The following EYA4 variants were observed in gnomAD, a reference collection of about 807,000 sequenced individuals.
EYA4 encodes EYA transcriptional coactivator and phosphatase 4.
EYA4 carries 31 observed loss-of-function variants against 87.9 expected under a neutral mutation model. The ratio of observed to expected loss-of-function variants is 0.35; its 90% CI spans 0.27 to 0.48. The LOEUF is 0.48. EYA4 is among the 20% of genes least tolerant of loss of function. EYA4 has a pLI of 0.99. For missense variants in EYA4, 678 were observed against 761.4 expected, an observed-to-expected ratio of 0.89 and a Z score of 1.29; for synonymous variants, 263 against 270.6, an observed-to-expected ratio of 0.97 and a Z score of 0.28.
At chr6:133,370,481 A>C (rs1051586788) in intron 2 of EYA4, among the ~76,000 whole-genome samples, 2 of 152,230 alleles carry the variant, frequency 1.3e-5, no homozygotes, top group African/African-American at 4.8e-5. Flanking sequence ...AAGCCAATCA[A>C]TTAGAGAAAA....
At position 133,324,956 on chromosome 6, in the gene EYA4, A is replaced by G. The variant is rs191225853; in HGVS notation, c.33+50143A>G. The stretch of plus-strand genomic sequence containing the variant: ...GACAGAGTCTCGCCCTGTCCCCCAG[A>G]CTGGAGTGCAGTGGCACAATCTCGG... On this transcript the variant is annotated intron_variant, in intron 2 of 19. Transcript: ENST00000355286. Among the ~76,000 whole-genome samples, 76 of 131,320 alleles carry G rather than the reference A, an allele frequency of 5.8e-4. No individual in the cohort carries two copies. In the Middle Eastern group the frequency reaches 0.014, roughly 24 times the overall value. 86.2% of individuals were successfully genotyped at this position (131,320 alleles called of 152,430 possible).
intron 1 of EYA4, among the ~76,000 whole-genome samples, chr6:133,249,162 C>G (rs983459384): frequency 6.6e-6 from 1 of 152,050 alleles, no homozygotes; most frequent in Non-Finnish European, 1.5e-5. Context: ...GACTTTGGAG[C>G]TTTTATTGTA....
intron 1 of EYA4, among the ~76,000 whole-genome samples, chr6:133,253,964 C>T (rs1379932515): frequency 6.6e-6 from 1 of 152,140 alleles, no homozygotes; most frequent in African/African-American, 2.4e-5. Flanking sequence ...GGCATTAGGT[C>T]CCAAACCAGA....
intron 1 of EYA4, among the ~76,000 whole-genome samples, chr6:133,243,089 C>CGTGCGTGTGT (rs535891765): frequency 1.4e-5 from 2 of 145,372 alleles, no homozygotes; most frequent in Non-Finnish European, 3.0e-5. Flanking sequence ...GGAGCAACTT[C>CGTGCGTGTGT]GTGTGTGTGT....
intron 2 of EYA4, among the ~76,000 whole-genome samples, chr6:133,297,435 G>C (rs868370530): frequency 6.6e-6 from 1 of 152,214 alleles, no homozygotes; most frequent in African/African-American, 2.4e-5. Flanking sequence ...CTGAGCCAAG[G>C]TCAAAACAGG....
intron 3 of EYA4, among the ~76,000 whole-genome samples, chr6:133,390,855 TGGGGGTTA>T: frequency 6.6e-6 from 1 of 152,262 alleles, no homozygotes; most frequent in Middle Eastern, 3.4e-3. Context: ...GTTTGAGCAC[TGGGGGTTA>T]GTGTGGTTAG....
intron 2 of EYA4, among the ~76,000 whole-genome samples, chr6:133,293,499 A>G (rs373797603): frequency 1.2e-4 from 18 of 152,194 alleles, no homozygotes; most frequent in African/African-American, 3.1e-4. Context: ...GTATTTTAGG[A>G]GGGACATTAT....
chr6:133,262,485 CAT>C (rs1775877295), intron 1 of EYA4, among the ~76,000 whole-genome samples: 1 of 152,222 alleles, frequency 6.6e-6, no homozygotes, highest in Non-Finnish European at 1.5e-5. Flanking sequence ...AATTCTTTCA[CAT>C]GTCTCCCTGG....
intron 11 of EYA4, among the ~76,000 whole-genome samples, chr6:133,481,138 T>C (rs1313621345): frequency 6.6e-6 from 1 of 152,126 alleles, no homozygotes; most frequent in Non-Finnish European, 1.5e-5. Context: ...AGAAGACATC[T>C]CATTCTCTGA....
chr6:133,432,903 T>C (rs1791316283), intron 3 of EYA4, among the ~76,000 whole-genome samples: 1 of 152,160 alleles, frequency 6.6e-6, no homozygotes, highest in African/African-American at 2.4e-5. Flanking sequence ...CTCAGTGTTA[T>C]TTAGTTATTA....
chr6:133,481,327 C>A, intron 11 of EYA4, 136 bp from the exon 12 acceptor site: 1 of 822,048 alleles, frequency 1.2e-6, no homozygotes, highest in Non-Finnish European at 2.0e-6. Flanking sequence ...CTTGTGTGTG[C>A]TTGGGATTAT....
chr6:133,407,433 G>A (rs1788810397), intron 3 of EYA4, among the ~76,000 whole-genome samples: 1 of 151,966 alleles, frequency 6.6e-6, no homozygotes, highest in Non-Finnish European at 1.5e-5. Flanking sequence ...CCAGGGCTTT[G>A]GCTGTTACTC....
intron 2 of EYA4, among the ~76,000 whole-genome samples, chr6:133,357,080 G>A (rs1784111920): frequency 6.6e-6 from 1 of 151,710 alleles, no homozygotes; most frequent in Non-Finnish European, 1.5e-5. Flanking sequence ...GACCATCCTG[G>A]CTAAAACAGT....
At chr6:133,277,000 GTATAT>G in intron 2 of EYA4, among the ~76,000 whole-genome samples, 1 of 151,894 alleles carries the variant, frequency 6.6e-6, no homozygotes, top group East Asian at 1.9e-4. Context: ...ATTTTGTGGA[GTATAT>G]TAATGTCTCA....
chr6:133,308,198 AAATGGACT>A, intron 2 of EYA4, among the ~76,000 whole-genome samples: 1 of 152,282 alleles, frequency 6.6e-6, no homozygotes, highest in African/African-American at 2.4e-5. Flanking sequence ...TAGTCCATGA[AAATGGACT>A]AATACAGCTA....
chr6:133,494,098 A>T (rs575478649), intron 13 of EYA4, among the ~76,000 whole-genome samples: 4 of 152,340 alleles, frequency 2.6e-5, no homozygotes, highest in Non-Finnish European at 5.9e-5. Flanking sequence ...AAAGGAAATC[A>T]GTATATCAAA....
chr6:133,462,266 T>G, intron 7 of EYA4, 69 bp from the exon 8 acceptor site: 1 of 1,518,200 alleles, frequency 6.6e-7, no homozygotes, highest in Non-Finnish European at 9.1e-7. Context: ...AGGGTTTCAC[T>G]GAATCTAGGC....
At position 133,331,421 on chromosome 6, in the gene EYA4, A is replaced by G. The variant is rs578148405; in HGVS notation, c.34-50971A>G. Among the ~76,000 whole-genome samples, 9 of 152,332 alleles carry G rather than the reference A, an allele frequency of 5.9e-5. No homozygotes were observed. In the South Asian group the frequency reaches 1.2e-3, roughly 21 times the overall value. On this transcript the variant is annotated intron_variant, in intron 2 of 19. Transcript: ENST00000355286. ...ATGCCTAGTGAATCCCTGTGTCATC[A>G]TCAGCATTATTTAAAAGATGGCACA... is the stretch of plus-strand genomic sequence containing the variant.
intron 13 of EYA4, among the ~76,000 whole-genome samples, chr6:133,504,457 A>C (rs1334400920): frequency 2.0e-5 from 3 of 152,212 alleles, no homozygotes; most frequent in Non-Finnish European, 4.4e-5. Context: ...TCTCTAAATG[A>C]GAAGATGCAA....
Sources: gnomAD v4.1 joint callset for allele counts (sites outside exome capture counted in the v4.1 genomes callset) on GRCh38, gnomAD v4.1.1 for gene constraint, MANE v1.5 for transcripts, NCBI Gene and HGNC (gene_info 2026-07-23, HGNC 2026-07-21) for gene names.